Variants in SMIM41 observed in about 807,000 individuals in gnomAD.
SMIM41 encodes small integral membrane protein 41.
chr12:52,093,215 CAAAA>C (rs148348259), intron 2 of SMIM41, among the ~76,000 whole-genome samples: 1 of 152,026 alleles, frequency 6.6e-6, no homozygotes, highest in African/African-American at 2.4e-5. Flanking sequence ...CAACAACAAA[CAAAA>C]AACCCCACAC....
chr12:52,104,678 G>T (rs530639991), intron 2 of SMIM41, among the ~76,000 whole-genome samples: 3 of 151,832 alleles, frequency 2.0e-5, no homozygotes, highest in South Asian at 2.1e-4. Flanking sequence ...ATGGTCGGGG[G>T]GGGGCGGTCT....
chr12:52,094,102 G>A (rs1402990433), intron 2 of SMIM41, among the ~76,000 whole-genome samples: 1 of 138,910 alleles, frequency 7.2e-6, no homozygotes, highest in Non-Finnish European at 1.5e-5. Context: ...CTGCACTCCA[G>A]CCTGGGTGAC....
At chr12:52,083,457 A>G (rs1177935018) in intron 1 of SMIM41, among the ~76,000 whole-genome samples, 1 of 152,210 alleles carries the variant, frequency 6.6e-6, no homozygotes, top group Non-Finnish European at 1.5e-5. Context: ...TCTAGCAGAT[A>G]TAGCAACCCC....
At position 52,095,193 on chromosome 12, in the gene SMIM41, G is replaced by A. The variant is rs546528442; in HGVS notation, c.*195+11225G>A. On this transcript the variant is annotated intron_variant, in intron 2 of 2. Transcript: ENST00000546390. The stretch of plus-strand genomic sequence containing the variant: ...GAACTCCTGGGCTCAAGTGATCCAC[G>A]CTCCTTGGTCTCCCCACCGCTGGAT... Among the ~76,000 whole-genome samples the A allele has an allele frequency of 9.2e-5, 14 of 151,728 alleles. No individual in the cohort carries two copies. In the South Asian group the frequency reaches 1.0e-3, roughly 11 times the overall value.
chr12:52,090,083 A>G (rs11835662), intron 2 of SMIM41, among the ~76,000 whole-genome samples: 10,952 of 150,296 alleles, frequency 0.073, 1,266 homozygotes, highest in African/African-American at 0.26. Context: ...TTGTTTGTTT[A>G]TTTTTGAGAC....
intron 1 of SMIM41, among the ~76,000 whole-genome samples, chr12:52,080,896 G>A (rs1939809219): frequency 6.6e-6 from 1 of 152,078 alleles, no homozygotes; most frequent in Non-Finnish European, 1.5e-5. Context: ...GAAGGGTGGG[G>A]GAGTAGATGT....
intron 2 of SMIM41, among the ~76,000 whole-genome samples, chr12:52,097,251 C>G (rs1028544518): frequency 6.6e-6 from 1 of 152,016 alleles, no homozygotes; most frequent in African/African-American, 2.4e-5. Flanking sequence ...GGCTCCGCCA[C>G]GATGCGGGGA....
intron 2 of SMIM41, among the ~76,000 whole-genome samples, chr12:52,090,178 C>T (rs945823509): frequency 1.3e-4 from 20 of 152,184 alleles, no homozygotes; most frequent in African/African-American, 4.6e-4. Flanking sequence ...TCAAGCGATT[C>T]TCCTGCCTCA....
chr12:52,085,935 A>G (rs2360642), intron 2 of SMIM41, among the ~76,000 whole-genome samples: 147,103 of 152,264 alleles, frequency 0.97, 71,073 homozygotes, highest in East Asian at 1. Flanking sequence ...AGTTGGAGGC[A>G]AGCTGTCAGG....
chr12:52,086,730 T>C (rs1177938911), intron 2 of SMIM41, among the ~76,000 whole-genome samples: 1 of 152,222 alleles, frequency 6.6e-6, no homozygotes, highest in Non-Finnish European at 1.5e-5. Context: ...TTCAACCTGC[T>C]CACTCTGACA....
chr12:52,100,265 AG>A lies in SMIM41; in HGVS notation c.*196-7108del, dbSNP rs774983046. 5.3e-5 allele frequency among the ~76,000 whole-genome samples: 8 copies of A among 152,108 alleles called. No homozygotes were observed. In the East Asian group the frequency reaches 7.7e-4, roughly 15 times the overall value. ...GCTGGGATATTAGGAACAATATCCCAGGGGGGTGTCCACCCTCTGCGATATT... is the reference window on the plus strand; with the variant it reads ...GCTGGGATATTAGGAACAATATCCCAGGGGGTGTCCACCCTCTGCGATATT... On this transcript the variant is annotated intron_variant, in intron 2 of 2. Transcript: ENST00000546390.
intron 2 of SMIM41, among the ~76,000 whole-genome samples, chr12:52,105,435 G>A (rs1268436172): frequency 6.6e-6 from 1 of 152,182 alleles, no homozygotes; most frequent in Non-Finnish European, 1.5e-5. Context: ...ATGTACCTGT[G>A]GTTAAGACCT....
intron 2 of SMIM41, among the ~76,000 whole-genome samples, chr12:52,094,260 A>G (rs2120686171): frequency 6.8e-6 from 1 of 148,134 alleles, no homozygotes; most frequent in South Asian, 2.2e-4. Context: ...CAGTGGCAGC[A>G]CAGTCTCAGT....
At chr12:52,092,366 C>T (rs1940021043) in intron 2 of SMIM41, 1 of 152,212 alleles carries the variant, frequency 6.6e-6, no homozygotes, top group Non-Finnish European at 1.5e-5. Flanking sequence ...TCCCACTTCT[C>T]CTCCCCCAGA....
intron 2 of SMIM41, among the ~76,000 whole-genome samples, chr12:52,099,880 A>T (rs1940181061): frequency 6.6e-6 from 1 of 151,976 alleles, no homozygotes; most frequent in African/African-American, 2.4e-5. Context: ...TATTTAGAAA[A>T]ATATCACAGT....
chr12:52,082,529 G>T (rs1288690895), intron 1 of SMIM41, among the ~76,000 whole-genome samples: 3 of 152,184 alleles, frequency 2.0e-5, no homozygotes, highest in Admixed American at 2.0e-4. Flanking sequence ...GGCTGAGTGG[G>T]CAGGAAAGAA....
At chr12:52,103,042 T>C (rs1940251015) in intron 2 of SMIM41, among the ~76,000 whole-genome samples, 1 of 152,158 alleles carries the variant, frequency 6.6e-6, no homozygotes, top group Admixed American at 6.5e-5. Context: ...GGCAGGCACT[T>C]CTGGCCGGTG....
At chr12:52,104,539 G>C (rs552966963) in intron 2 of SMIM41, among the ~76,000 whole-genome samples, 4 of 152,300 alleles carry the variant, frequency 2.6e-5, no homozygotes, top group African/African-American at 4.8e-5. Flanking sequence ...TGAGTGCTGA[G>C]GGACGGTTGG....
At chr12:52,091,856 A>G (rs1036403090) in intron 2 of SMIM41, among the ~76,000 whole-genome samples, 2 of 152,242 alleles carry the variant, frequency 1.3e-5, no homozygotes, top group African/African-American at 2.4e-5. Flanking sequence ...AAGTGTTAAC[A>G]ACAAAGTTTA....
Sources: allele counts gnomAD v4.1 joint callset (sites outside exome capture counted in the v4.1 genomes callset), GRCh38; gene constraint gnomAD v4.1.1; transcripts MANE v1.5; gene names NCBI Gene and HGNC (gene_info 2026-07-23, HGNC 2026-07-21).